The following ADGRL3 variants were observed in gnomAD, a reference collection of about 807,000 sequenced individuals.
The protein encoded by ADGRL3 is adhesion G protein-coupled receptor L3, also known as calcium-independent alpha-latrotoxin receptor 3.
Under a neutral mutation model 153.5 loss-of-function variants are expected in ADGRL3, and 62 were observed. The observed-to-expected ratio is 0.40, with a 90% confidence interval of 0.33 to 0.50. ADGRL3 has a LOEUF of 0.50. Ranked by LOEUF, ADGRL3 falls within the 20% of genes least tolerant of loss-of-function variation. The probability of loss-of-function intolerance (pLI) is 0.47; values close to 1 mark genes in which losing one functional copy is unlikely to be tolerated. For missense variants in ADGRL3, 1,641 were observed against 1,859.4 expected (o/e 0.88, Z 2.16); for synonymous variants, 710 against 672.5 (o/e 1.06, Z -0.86).
chr4:61,407,204 GT>G (rs889446473), intron 2 of ADGRL3, among the ~76,000 whole-genome samples: 1 of 151,848 alleles, frequency 6.6e-6, no homozygotes, highest in African/African-American at 2.4e-5. Context: ...ATAATTTGAG[GT>G]TTTTTTGTAA....
intron 8 of ADGRL3, among the ~76,000 whole-genome samples, chr4:61,765,213 G>A (rs1179253906): frequency 6.6e-6 from 1 of 152,076 alleles, no homozygotes; most frequent in East Asian, 1.9e-4. Context: ...TGTATGAGTA[G>A]TTGAGAACGG....
chr4:61,669,938 G>C (rs1435159094), intron 5 of ADGRL3, among the ~76,000 whole-genome samples: 2 of 152,228 alleles, frequency 1.3e-5, no homozygotes, highest in East Asian at 1.9e-4. Flanking sequence ...ATGATCGAAG[G>C]GTTTATTAAC....
At chr4:61,913,676 A>C (rs1425571848) in intron 13 of ADGRL3, among the ~76,000 whole-genome samples, 1 of 152,112 alleles carries the variant, frequency 6.6e-6, no homozygotes, top group East Asian at 1.9e-4. Context: ...AAATAGTAAA[A>C]ATTGATTTGT....
At chr4:62,035,294 G>T (rs553805101) in intron 23 of ADGRL3, among the ~76,000 whole-genome samples, 223 of 152,070 alleles carry the variant, frequency 1.5e-3, no homozygotes, top group African/African-American at 5.2e-3. Flanking sequence ...AATGCAAATA[G>T]CCCACGATGA....
At chr4:61,723,582 T>C (rs1426860408) in intron 6 of ADGRL3, among the ~76,000 whole-genome samples, 2 of 152,052 alleles carry the variant, frequency 1.3e-5, no homozygotes, top group African/African-American at 4.8e-5. Context: ...ACGTAGCCAG[T>C]GAAAAAAACT....
intron 9 of ADGRL3, among the ~76,000 whole-genome samples, chr4:61,835,973 A>G (rs532371126): frequency 3.9e-5 from 6 of 152,262 alleles, no homozygotes; most frequent in Non-Finnish European, 8.8e-5. Context: ...GAACCTCAAA[A>G]TTCCTGTCCT....
At chr4:61,527,266 T>C (rs2098571354) in intron 4 of ADGRL3, among the ~76,000 whole-genome samples, 1 of 152,080 alleles carries the variant, frequency 6.6e-6, no homozygotes, top group South Asian at 2.1e-4. Flanking sequence ...ATTTCATTTA[T>C]ATTAAATAAT....
At chr4:61,574,861 A>C (rs2098861105) in intron 4 of ADGRL3, among the ~76,000 whole-genome samples, 1 of 151,790 alleles carries the variant, frequency 6.6e-6, no homozygotes, top group African/African-American at 2.4e-5. Flanking sequence ...GAAATAGAGA[A>C]ATTGGCTAAT....
chr4:61,415,696 C>G (rs2097137122), intron 2 of ADGRL3, among the ~76,000 whole-genome samples: 1 of 151,250 alleles, frequency 6.6e-6, no homozygotes. Flanking sequence ...ACCTTCTCTT[C>G]TTCCTTTTTT....
At chr4:61,229,218 C>A (rs1353886309) in intron 1 of ADGRL3, among the ~76,000 whole-genome samples, 2 of 152,178 alleles carry the variant, frequency 1.3e-5, no homozygotes, top group African/African-American at 4.8e-5. Context: ...ATTGGCTCAA[C>A]ATTTCCTGTG....
At chr4:62,048,509 C>T (rs2151728807) in intron 25 of ADGRL3, among the ~76,000 whole-genome samples, 1 of 152,056 alleles carries the variant, frequency 6.6e-6, no homozygotes, top group South Asian at 2.1e-4. Flanking sequence ...GATCCACCCG[C>T]CTTGGCCTCC....
intron 4 of ADGRL3, among the ~76,000 whole-genome samples, chr4:61,520,770 C>T (rs2098526269): frequency 6.6e-6 from 1 of 151,258 alleles, no homozygotes; most frequent in East Asian, 2.0e-4. Context: ...TCTAAGGACC[C>T]TTGAGTACTA....
At chr4:61,611,839 T>C (rs1252929841) in intron 5 of ADGRL3, among the ~76,000 whole-genome samples, 1 of 152,076 alleles carries the variant, frequency 6.6e-6, no homozygotes, top group Non-Finnish European at 1.5e-5. Flanking sequence ...GAGGATCCCT[T>C]GAGCCCGGAA....
chr4:61,251,317 G>C (rs1203762284), intron 1 of ADGRL3, among the ~76,000 whole-genome samples: 1 of 152,166 alleles, frequency 6.6e-6, no homozygotes, highest in Non-Finnish European at 1.5e-5. Context: ...CCTACACATG[G>C]CCTCCCCATG....
chr4:61,367,866 T>C lies in ADGRL3; in HGVS notation c.-239-15258T>C, dbSNP rs1343464193. 3.6e-5 allele frequency among the ~76,000 whole-genome samples: 5 copies of C among 137,592 alleles called. No homozygotes were observed. The South Asian group carries it at 1.0e-3, about 28-fold the overall frequency. 90.3% of individuals were successfully genotyped at this position (137,592 alleles called of 152,430 possible). On this transcript the variant is annotated intron_variant, in intron 1 of 26. Transcript: ENST00000683033. ...TACAGTCCCACCAACAGTGTAAAAG[T>C]GTTCCTATTTCTCCACATCCTCTCC...
At chr4:61,324,524 T>C (rs917322922) in intron 1 of ADGRL3, among the ~76,000 whole-genome samples, 2 of 152,186 alleles carry the variant, frequency 1.3e-5, no homozygotes, top group African/African-American at 4.8e-5. Flanking sequence ...TATGATTAAA[T>C]GTAATATTTT....
At chr4:61,484,110 T>C (rs557337093) in intron 2 of ADGRL3, among the ~76,000 whole-genome samples, 1 of 152,166 alleles carries the variant, frequency 6.6e-6, no homozygotes, top group Admixed American at 6.5e-5. Flanking sequence ...TTTTTACTTA[T>C]TGTTTTCTCA....
At chr4:61,468,174 C>G (rs904002044) in intron 2 of ADGRL3, among the ~76,000 whole-genome samples, 2 of 152,210 alleles carry the variant, frequency 1.3e-5, no homozygotes, top group Non-Finnish European at 2.9e-5. Flanking sequence ...ACGGTTGCCA[C>G]TGGCATAATT....
chr4:61,577,462 A>G (rs1359701634), intron 4 of ADGRL3, among the ~76,000 whole-genome samples: 1 of 151,978 alleles, frequency 6.6e-6, no homozygotes, highest in Non-Finnish European at 1.5e-5. Flanking sequence ...GAATAACATA[A>G]ACTTTGTAAT....
Sources: allele counts gnomAD v4.1 joint callset (sites outside exome capture counted in the v4.1 genomes callset), GRCh38; gene constraint gnomAD v4.1.1; transcripts MANE v1.5; gene names NCBI Gene and HGNC (gene_info 2026-07-23, HGNC 2026-07-21).